The following PCDHA2 variants were observed in gnomAD, a reference collection of about 807,000 sequenced individuals.
The protein encoded by PCDHA2 is protocadherin alpha 2.
A neutral mutation model predicts 66.0 loss-of-function variants in PCDHA2; 58 were observed. The observed-to-expected ratio is 0.88, with a 90% CI of 0.71 to 1.09. PCDHA2 has a LOEUF of 1.09. PCDHA2 is among the 50% of genes least tolerant of loss of function. The pLI is 0.00. For missense variants in PCDHA2, 1,267 were observed against 1,242.3 expected, an observed-to-expected ratio of 1.02 and a Z score of -0.30; for synonymous variants, 634 against 554.0, an observed-to-expected ratio of 1.14 and a Z score of -2.03.
chr5:140,859,825 T>C (rs752840072), intron 1 of PCDHA2: 1 of 152,250 alleles, frequency 6.6e-6, no homozygotes, highest in Admixed American at 6.5e-5. Flanking sequence ...AGTTTAGAAG[T>C]GTATTTGTTA....
chr5:140,883,259 G>A (rs573584031), intron 1 of PCDHA2: 1 of 1,614,000 alleles, frequency 6.2e-7, no homozygotes, highest in East Asian at 2.2e-5. Flanking sequence ...TATTCCAATG[G>A]CGGGTCATTG....
intron 1 of PCDHA2, among the ~76,000 whole-genome samples, chr5:140,935,104 A>G (rs1233919640): frequency 2.0e-5 from 3 of 152,126 alleles, no homozygotes; most frequent in Non-Finnish European, 4.4e-5. Context: ...GCCATTTTTC[A>G]AAGAGCTTTC....
chr5:140,854,565 T>C (rs2043162230), intron 1 of PCDHA2: 1 of 150,016 alleles, frequency 6.7e-6, no homozygotes, highest in Non-Finnish European at 1.5e-5. Context: ...ATTGTTGCTC[T>C]GTCATTCAGA....
intron 1 of PCDHA2, chr5:140,801,339 A>T: frequency 6.2e-7 from 1 of 1,613,296 alleles, no homozygotes; most frequent in Non-Finnish European, 8.5e-7. Context: ...CGTGGGCCGC[A>T]TCGCGCAGGA....
Position 140,795,853 on chromosome 5 carries a change from C to T in PCDHA2, c.889C>T (p.Pro297Ser), listed in dbSNP as rs868955001. The change falls in exon 1 of 4, where the codon CCC (proline) becomes TCC (serine). Residue 297 changes from proline to serine, a missense_variant. Physicochemically the swap from Pro to Ser is moderately conservative, Grantham distance 74. Transcript: ENST00000526136. ...STIQTKFTID[P>S]ISGEIRTKGK... ...TATACAGACTAAGTTTACCATAGAT[C>T]CCATCTCAGGGGAAATCAGAACTAA... is the stretch of plus-strand genomic sequence containing the variant. 4 of 1,613,860 alleles carry T rather than the reference C, an allele frequency of 2.5e-6. No individual in the cohort carries two copies. Among genetic ancestry groups the T allele is most frequent in the East Asian group, 2.2e-5 (1 of 44,884 alleles).
chr5:140,855,175 T>C (rs1554147660), intron 1 of PCDHA2, among the ~76,000 whole-genome samples: 1 of 149,898 alleles, frequency 6.7e-6, no homozygotes, highest in African/African-American at 2.4e-5. Context: ...TGAAAACAAA[T>C]GTGGCCAAAT....
At chr5:140,971,615 G>C (rs2096488487) in intron 1 of PCDHA2, among the ~76,000 whole-genome samples, 1 of 152,030 alleles carries the variant, frequency 6.6e-6, no homozygotes, top group East Asian at 1.9e-4. Flanking sequence ...GGAGAGTCCT[G>C]GGGTACAATT....
Position 141,010,319 on chromosome 5 carries a change from C to G in PCDHA2, c.*382C>G. The G allele has an allele frequency of 6.5e-7, 1 of 1,545,436 alleles. No individual in the cohort carries two copies. Among genetic ancestry groups the G allele is most frequent in the South Asian group, 1.2e-5 (1 of 83,248 alleles). On this transcript the variant is annotated 3_prime_UTR_variant, in exon 4 of 4. Coordinates refer to ENST00000526136, the MANE Select transcript of PCDHA2 (RefSeq NM_018905.3). ...CAGGCTGAAAAGTTTTGAGATTGAG[C>G]AGCTTGGGAGTTTGTGGCCACTGGG...
chr5:140,836,463 G>A (rs2150261592), intron 1 of PCDHA2: 2 of 1,613,838 alleles, frequency 1.2e-6, no homozygotes, highest in Middle Eastern at 1.6e-4. Context: ...GACCGAGCTG[G>A]TGGATGTCAA....
chr5:140,801,992 C>T, intron 1 of PCDHA2: 1 of 1,614,182 alleles, frequency 6.2e-7, no homozygotes, highest in Non-Finnish European at 8.5e-7. Context: ...TGACCGTTAA[C>T]GCCACCGATT....
At chr5:140,834,787 C>G in intron 1 of PCDHA2, 1 of 1,613,658 alleles carries the variant, frequency 6.2e-7, no homozygotes, top group Non-Finnish European at 8.5e-7. Flanking sequence ...GTGTTCCCAG[C>G]GACACAAAGG....
chr5:140,803,382 G>T (rs547051375), intron 1 of PCDHA2: 1 of 1,614,202 alleles, frequency 6.2e-7, no homozygotes, highest in Non-Finnish European at 8.5e-7. Context: ...GCCGCCAACC[G>T]AAGGCGACTG....
At chr5:140,927,915 C>T (rs200890211) in intron 1 of PCDHA2, 7 of 1,614,120 alleles carry the variant, frequency 4.3e-6, no homozygotes, top group Admixed American at 3.3e-5. Context: ...CCGAACTGGA[C>T]TTCCTGACTC....
At chr5:140,813,583 T>G (rs1765338148) in intron 1 of PCDHA2, 1 of 152,210 alleles carries the variant, frequency 6.6e-6, no homozygotes, top group Non-Finnish European at 1.5e-5. Context: ...GGCTGGAAAT[T>G]TATCTGCATG....
At chr5:140,849,840 AACG>A in intron 1 of PCDHA2, 4 of 1,598,334 alleles carry the variant, frequency 2.5e-6, no homozygotes, top group Non-Finnish European at 3.4e-6. Flanking sequence ...GGCCGACGTG[AACG>A]ACAACGCACC....
intron 3 of PCDHA2, among the ~76,000 whole-genome samples, chr5:140,992,501 A>G (rs1437736734): frequency 6.6e-6 from 1 of 152,206 alleles, no homozygotes. Context: ...TAAGGATTCA[A>G]TCCTGGGGCA....
intron 1 of PCDHA2, chr5:140,809,153 G>A (rs558715293): frequency 1.3e-5 from 21 of 1,613,816 alleles, no homozygotes; most frequent in Non-Finnish European, 1.6e-5. Flanking sequence ...GGACCACGGC[G>A]AGCCCGCGCT....
chr5:140,797,398 A>T (rs782637253), intron 1 of PCDHA2, 46 bp downstream of exon 1: 3 of 1,559,108 alleles, frequency 1.9e-6, no homozygotes, highest in Admixed American at 1.8e-5. Context: ...TGTTCTTTTT[A>T]AAAAATTCTA....
chr5:140,927,226 A>G, intron 1 of PCDHA2: 4 of 1,613,996 alleles, frequency 2.5e-6, no homozygotes, highest in Non-Finnish European at 3.4e-6. Context: ...CAAGATTCGG[A>G]TTCACGTCCT....
Sources: gnomAD v4.1 joint callset for allele counts (sites outside exome capture counted in the v4.1 genomes callset) on GRCh38, gnomAD v4.1.1 for gene constraint, MANE v1.5 for transcripts, NCBI Gene and HGNC (gene_info 2026-07-23, HGNC 2026-07-21) for gene names.